Variants in FBN1 observed in about 807,000 individuals in gnomAD.
FBN1 encodes fibrillin-1.
Under a neutral mutation model 365.1 loss-of-function variants are expected in FBN1, and 29 were observed. That is an observed-to-expected ratio of 0.08 (90% CI 0.06 to 0.11). The LOEUF (loss-of-function observed/expected upper bound fraction) is 0.11, where lower values mean the gene tolerates loss of function less well. FBN1 is among the 10% of genes least tolerant of loss of function. The pLI, the probability that FBN1 is intolerant of heterozygous loss-of-function variation, is 1.00. For synonymous variants in FBN1, 1,210 were observed against 1,270.5 expected (o/e 0.95, Z 1.01); for missense variants, 2,476 against 3,703.2 (o/e 0.67, Z 8.60).
chr15:48,451,857 A>G (rs2043204173), intron 45 of FBN1, among the ~76,000 whole-genome samples: 1 of 152,208 alleles, frequency 6.6e-6, no homozygotes, highest in Non-Finnish European at 1.5e-5. Context: ...ACTGGCTACA[A>G]GATACCATCA....
rs763691577 is a variant in FBN1 at position 48,503,873 on chromosome 15, C to G, written c.2027G>C (p.Gly676Ala). The G allele has an allele frequency of 1.2e-6, 2 of 1,614,220 alleles. No individual in the cohort carries two copies. Among genetic ancestry groups the G allele is most frequent in the Admixed American group, 3.3e-5 (2 of 60,026 alleles). Residue 676 changes from glycine (G) to alanine (A), a missense_variant, in exon 17 of 66, where the codon GGT becomes GCT. Around this residue, in one of 5 missense-constraint regions of FBN1, gnomAD observed 1,780 missense variants for 2,840.8 expected, o/e 0.63. Transcript: ENST00000316623. ...KRGQCIKPLF[G>A]AVTKSECCCA... Reference sequence around the variant, plus strand: ...ACAGCATTCAGATTTAGTGACAGCACCAAACAAAGGTTTGATACACTGGCC... The same window carrying G: ...ACAGCATTCAGATTTAGTGACAGCAGCAAACAAAGGTTTGATACACTGGCC...
intron 32 of FBN1, among the ~76,000 whole-genome samples, chr15:48,478,783 G>A (rs979136117): frequency 7.2e-5 from 11 of 152,296 alleles, no homozygotes; most frequent in African/African-American, 2.6e-4. Flanking sequence ...CTTAGCATCT[G>A]TGTGGGCTGG....
At position 48,430,692 on chromosome 15, in the gene FBN1, G is replaced by T; in HGVS notation, c.6850C>A (p.Pro2284Thr). Residue 2284 changes from proline to threonine, a missense_variant, in exon 56 of 66, where the codon CCT (proline) becomes ACT (threonine). Physicochemically the swap from Pro to Thr is conservative, Grantham distance 38 (BLOSUM62 -1). Coordinates refer to ENST00000316623, the MANE Select transcript of FBN1 (RefSeq NM_000138.5). ...CICGPGYQRR[P>T]DGEGCVDENE... ...TTACCTACACAGCCTTCTCCATCAG[G>T]TCTCCGCTGATACCCGGGTCCACAG... The T allele has an allele frequency of 6.2e-7, 1 of 1,613,860 alleles. No individual in the cohort carries two copies.
At chr15:48,541,342 C>CA (rs375998199) in intron 6 of FBN1, among the ~76,000 whole-genome samples, 2 of 152,048 alleles carry the variant, frequency 1.3e-5, no homozygotes, top group African/African-American at 4.8e-5. Flanking sequence ...TCACTATAGA[C>CA]AAAGTTATTT....
At chr15:48,587,799 T>C (rs1402899641) in intron 6 of FBN1, among the ~76,000 whole-genome samples, 2 of 152,230 alleles carry the variant, frequency 1.3e-5, no homozygotes, top group African/African-American at 2.4e-5. Flanking sequence ...CTTTATTAAA[T>C]ATATGCTGTA....
intron 50 of FBN1, among the ~76,000 whole-genome samples, chr15:48,438,433 G>A (rs2043089469): frequency 6.6e-6 from 1 of 152,146 alleles, no homozygotes; most frequent in Non-Finnish European, 1.5e-5. Context: ...CACAGGCACA[G>A]AACAAATACA....
chr15:48,482,928 T>C (rs1370827890), intron 31 of FBN1, among the ~76,000 whole-genome samples: 2 of 152,112 alleles, frequency 1.3e-5, no homozygotes, highest in African/African-American at 2.4e-5. Context: ...CAGAGCAAAA[T>C]TACCCCTAGA....
Position 48,644,842 on chromosome 15 carries a change from C to T in FBN1, c.-73G>A, listed in dbSNP as rs1890266393. ...CTCGGTCTGCGGCCGCCGCTGCGCCCTGAAGCGCACCGCGCCGCCGGGGTC... is the reference window on the plus strand; with the variant it reads ...CTCGGTCTGCGGCCGCCGCTGCGCCTTGAAGCGCACCGCGCCGCCGGGGTC... On this transcript the variant is annotated 5_prime_UTR_variant, in exon 2 of 66. Coordinates refer to ENST00000316623, the MANE Select transcript of FBN1 (RefSeq NM_000138.5). 1.5e-6 allele frequency: 2 copies of T among 1,371,338 alleles called. No homozygotes were observed. The highest frequency in any genetic ancestry group is 3.1e-5 in the African/African-American group (2 of 65,084). The allele number at this position is 1,371,338 out of a possible 1,614,324, so 84.9% of individuals were successfully genotyped here.
chr15:48,473,732 T>C (rs2043395975), intron 34 of FBN1, among the ~76,000 whole-genome samples: 1 of 152,144 alleles, frequency 6.6e-6, no homozygotes, highest in African/African-American at 2.4e-5. Context: ...ATCTAATCCC[T>C]TCTCCTTACA....
rs777197391 is a variant in FBN1, at chr15:48,485,590, T to C, written c.3590-94A>G. On this transcript the variant is annotated intron_variant, in intron 29 of 65. Transcript: ENST00000316623. ...TGAAATTTAACTGCCATTGTAACACTATTTAAGAGGCAGGGCCTTTAAAAG... is the reference window on the plus strand; with the variant it reads ...TGAAATTTAACTGCCATTGTAACACCATTTAAGAGGCAGGGCCTTTAAAAG... 1.1e-4 allele frequency: 156 copies of C among 1,370,618 alleles called. No homozygotes were observed. In the Admixed American group the frequency reaches 1.5e-3, roughly 13 times the overall value. 84.9% of individuals were successfully genotyped at this position (1,370,618 alleles called of 1,614,324 possible).
At chr15:48,466,741 A>G (rs1460238072) in intron 38 of FBN1, among the ~76,000 whole-genome samples, 1 of 152,148 alleles carries the variant, frequency 6.6e-6, no homozygotes, top group Non-Finnish European at 1.5e-5. Context: ...TAATCTACAA[A>G]GCTGACTCCC....
At chr15:48,626,119 G>A (rs757080468) in intron 2 of FBN1, among the ~76,000 whole-genome samples, 1 of 151,984 alleles carries the variant, frequency 6.6e-6, no homozygotes, top group Non-Finnish European at 1.5e-5. Context: ...TAGCCAAGAT[G>A]GTGGCATGCA....
chr15:48,643,786 A>G (rs1890240397), intron 2 of FBN1: 1 of 152,192 alleles, frequency 6.6e-6, no homozygotes, highest in Non-Finnish European at 1.5e-5. Context: ...TAACTTAAAC[A>G]ACTGCAGACA....
At chr15:48,610,705 A>T (rs375946783) in intron 4 of FBN1, 23 bp downstream of exon 4, 1 of 1,539,708 alleles carries the variant, frequency 6.5e-7, no homozygotes, top group Non-Finnish European at 9.0e-7. Context: ...ATAATATTAT[A>T]TATAATGACA....
At chr15:48,429,323 A>T (rs879706322) in intron 56 of FBN1, among the ~76,000 whole-genome samples, 3 of 152,222 alleles carry the variant, frequency 2.0e-5, no homozygotes, top group Non-Finnish European at 4.4e-5. Flanking sequence ...TCTCCAATAT[A>T]GGTTGCATTT....
chr15:48,539,524 G>A (rs2044040191), intron 6 of FBN1, among the ~76,000 whole-genome samples: 1 of 152,132 alleles, frequency 6.6e-6, no homozygotes, highest in African/African-American at 2.4e-5. Context: ...TTATGAAACA[G>A]CATAAATATA....
chr15:48,590,990 G>A (rs1269838489), intron 6 of FBN1, among the ~76,000 whole-genome samples: 4 of 152,282 alleles, frequency 2.6e-5, no homozygotes, highest in Non-Finnish European at 2.9e-5. Context: ...AAGAGTCCAC[G>A]TGCATGCTAA....
At position 48,420,548 on chromosome 15, in the gene FBN1, G is replaced by A. The variant is rs146651343; in HGVS notation, c.7819+139C>T. On this transcript the variant is annotated intron_variant, in intron 63 of 65. Coordinates refer to ENST00000316623, the MANE Select transcript of FBN1 (RefSeq NM_000138.5). Reference sequence around the variant, plus strand: ...TTTTGCAAAGACTGTTACTTACCTCGGGTTTCAACCAGGTTAGGGCAATTT... The same window carrying A: ...TTTTGCAAAGACTGTTACTTACCTCAGGTTTCAACCAGGTTAGGGCAATTT... 1.3e-4 allele frequency: 135 copies of A among 1,054,670 alleles called. 2 individuals carry two copies. In the African/African-American group the frequency reaches 1.5e-3, roughly 12 times the overall value. The allele number at this position is 1,054,670 out of a possible 1,614,324, so 65.3% of individuals were successfully genotyped here. A position where few individuals can be genotyped will look rare whatever the true frequency, so the allele number is the denominator to read the frequency against.
intron 32 of FBN1, among the ~76,000 whole-genome samples, chr15:48,475,901 A>G (rs2043414600): frequency 6.6e-6 from 1 of 152,198 alleles, no homozygotes; most frequent in Non-Finnish European, 1.5e-5. Context: ...TAATATCACT[A>G]ATGATCATAA....
Sources: gnomAD v4.1 joint callset for allele counts (sites outside exome capture counted in the v4.1 genomes callset) on GRCh38, gnomAD v4.1.1 for gene constraint, gnomAD v4.1.1 regional missense constraint, MANE v1.5 for transcripts, NCBI Gene and HGNC (gene_info 2026-07-23, HGNC 2026-07-21) for gene names.